The following CSMD1 variants were observed in gnomAD, a reference collection of about 807,000 sequenced individuals.
CSMD1 encodes CUB and sushi domain-containing protein 1.
CSMD1 carries 213 observed loss-of-function variants against 417.5 expected under a neutral mutation model. The ratio of observed to expected loss-of-function variants is 0.51; its 90% CI spans 0.46 to 0.57. CSMD1 has a LOEUF of 0.57. Ranked by LOEUF, CSMD1 falls within the 20% of genes least tolerant of loss-of-function variation. The probability of loss-of-function intolerance (pLI) is 0.00; values close to 1 mark genes in which losing one functional copy is unlikely to be tolerated. For synonymous variants in CSMD1, 2,862 were observed against 1,736.8 expected (o/e 1.65, Z -16.11); for missense variants, 6,923 against 4,529.7 (o/e 1.53, Z -15.17).
At chr8:4,759,233 A>T (rs1423116611) in intron 1 of CSMD1, among the ~76,000 whole-genome samples, 3 of 152,144 alleles carry the variant, frequency 2.0e-5, no homozygotes, top group Admixed American at 6.5e-5. Flanking sequence ...TAACCTCACC[A>T]TCAGTGTCGT....
intron 4 of CSMD1, among the ~76,000 whole-genome samples, chr8:4,022,914 G>T (rs765583703): frequency 6.6e-6 from 1 of 152,228 alleles, no homozygotes; most frequent in Non-Finnish European, 1.5e-5. Flanking sequence ...ATGAAAGCAA[G>T]TGTGCAACTA....
At chr8:3,967,800 T>A (rs1311638113) in intron 5 of CSMD1, among the ~76,000 whole-genome samples, 1 of 151,920 alleles carries the variant, frequency 6.6e-6, no homozygotes, top group Non-Finnish European at 1.5e-5. Context: ...ACATATCCAA[T>A]TTGCTTGAGA....
intron 1 of CSMD1, among the ~76,000 whole-genome samples, chr8:4,785,955 C>T (rs1249066459): frequency 1.3e-5 from 2 of 152,138 alleles, no homozygotes; most frequent in African/African-American, 4.8e-5. Flanking sequence ...AAGTTTTCAA[C>T]AATTATAGGA....
At chr8:3,888,161 G>A (rs561868412) in intron 5 of CSMD1, among the ~76,000 whole-genome samples, 22 of 152,220 alleles carry the variant, frequency 1.4e-4, no homozygotes, top group South Asian at 6.2e-4. Flanking sequence ...TGCAATGTTC[G>A]TCATCCCATA....
intron 5 of CSMD1, among the ~76,000 whole-genome samples, chr8:3,947,623 G>A (rs1030891856): frequency 1.3e-5 from 2 of 150,708 alleles, no homozygotes; most frequent in African/African-American, 4.8e-5. Flanking sequence ...AATACGAGGA[G>A]CTTTCCCACA....
At position 3,052,443 on chromosome 8, in the gene CSMD1, G is replaced by A; in HGVS notation, c.7660+19C>T. 1 of 1,549,360 alleles carries A rather than the reference G, an allele frequency of 6.5e-7. No homozygotes were observed. Among genetic ancestry groups the A allele is most frequent in the Non-Finnish European group, 8.7e-7 (1 of 1,145,582 alleles). ...CCACCTAAACCCACAAAGATGGGCA[G>A]ATGCCCCTGAACACTTACGCTTACA... On this transcript the variant is annotated intron_variant, in intron 50 of 69. Transcript: ENST00000635120.
At chr8:4,369,676 C>G (rs1294585512) in intron 3 of CSMD1, among the ~76,000 whole-genome samples, 1 of 152,028 alleles carries the variant, frequency 6.6e-6, no homozygotes, top group Non-Finnish European at 1.5e-5. Flanking sequence ...TGAGTTGAGC[C>G]CTTTATCATT....
At chr8:4,398,750 G>C (rs1215552809) in intron 3 of CSMD1, among the ~76,000 whole-genome samples, 5 of 152,102 alleles carry the variant, frequency 3.3e-5, no homozygotes, top group South Asian at 2.1e-4. Flanking sequence ...TTATCAATTA[G>C]TTTCTCATTT....
intron 1 of CSMD1, among the ~76,000 whole-genome samples, chr8:4,881,961 G>C (rs1052297576): frequency 6.6e-6 from 1 of 151,946 alleles, no homozygotes; most frequent in Admixed American, 6.6e-5. Context: ...GCAATGAAAA[G>C]GATATGACAT....
At chr8:4,363,759 A>T (rs74419508) in intron 3 of CSMD1, among the ~76,000 whole-genome samples, 3 of 152,158 alleles carry the variant, frequency 2.0e-5, no homozygotes, top group African/African-American at 7.2e-5. Flanking sequence ...CTCATTTTTC[A>T]TGGCTGAATA....
intron 3 of CSMD1, among the ~76,000 whole-genome samples, chr8:4,314,425 G>A (rs573903941): frequency 9.2e-5 from 14 of 152,306 alleles, no homozygotes; most frequent in Admixed American, 8.5e-4. Flanking sequence ...TTCTATTTCA[G>A]GAAGCAGTAT....
At chr8:3,549,120 G>C (rs183559377) in intron 10 of CSMD1, among the ~76,000 whole-genome samples, 2 of 152,110 alleles carry the variant, frequency 1.3e-5, no homozygotes, top group Non-Finnish European at 2.9e-5. Context: ...GCAGATGCCC[G>C]CTTCCATGTT....
chr8:3,521,117 C>T (rs1032647641), intron 10 of CSMD1, among the ~76,000 whole-genome samples: 6 of 152,168 alleles, frequency 3.9e-5, no homozygotes, highest in Non-Finnish European at 7.4e-5. Flanking sequence ...CACTTTCTAC[C>T]AGTCACCATT....
At chr8:3,188,064 GTA>G (rs970450736) in intron 35 of CSMD1, 99 bp from the exon 36 acceptor site, 125 of 511,550 alleles carry the variant, frequency 2.4e-4, no homozygotes, top group Middle Eastern at 5.2e-4. Context: ...AGGTGTATAT[GTA>G]TATATATATA....
At chr8:3,338,505 A>C (rs779522348) in intron 23 of CSMD1, among the ~76,000 whole-genome samples, 16 of 152,232 alleles carry the variant, frequency 1.1e-4, no homozygotes, top group Non-Finnish European at 2.1e-4. Flanking sequence ...AGCAGGGATG[A>C]GAAATCTGGT....
rs148829565 is a variant in CSMD1 at position 4,044,664 on chromosome 8, G to A, written c.416-12565C>T. Among the ~76,000 whole-genome samples the A allele has an allele frequency of 2.2e-3, 333 of 151,858 alleles. 2 individuals are homozygous for A. Among genetic ancestry groups the A allele is most frequent in the African/African-American group, 7.5e-3 (311 of 41,424 alleles). On this transcript the variant is annotated intron_variant, in intron 3 of 69. Transcript: ENST00000635120. ...ACCCTGTACGTGTACCACCCTGGGC[G>A]TGTACCACCCTGGCCACCTACAATC...
chr8:4,192,513 A>G (rs1257244017), intron 3 of CSMD1, among the ~76,000 whole-genome samples: 1 of 151,362 alleles, frequency 6.6e-6, no homozygotes, highest in Non-Finnish European at 1.5e-5. Context: ...GTTTAAGACA[A>G]TACCCCCTGA....
rs376097661 is a variant in CSMD1, at chr8:4,300,768, G to T, written c.415+119185C>A. On this transcript the variant is annotated intron_variant, in intron 3 of 69. Transcript: ENST00000635120. ...TCTGGTTGTTCAATTCCTCCCTATG[G>T]GTGAGAACATGCAGTGTTTGGTTTT... Among the ~76,000 whole-genome samples, 26 of 152,088 alleles carry T rather than the reference G, an allele frequency of 1.7e-4. 1 individual carries two copies. The highest frequency in any genetic ancestry group is 1.2e-3 in the East Asian group (6 of 5,168).
At position 4,624,395 on chromosome 8, in the gene CSMD1, T is replaced by A. The variant is rs150503410; in HGVS notation, c.302+12947A>T. Among the ~76,000 whole-genome samples, 86 of 152,232 alleles carry A rather than the reference T, an allele frequency of 5.6e-4. 1 individual carries two copies. In the East Asian group the frequency reaches 0.015, roughly 26 times the overall value. ...TAGAAAGACTCAACCAGTTTTGGGG[T>A]CAACTTCTTTGGATGCCTTTCCCAA... On this transcript the variant is annotated intron_variant, in intron 2 of 69. Coordinates refer to ENST00000635120, the MANE Select transcript of CSMD1 (RefSeq NM_033225.6).
Sources: allele counts gnomAD v4.1 joint callset (sites outside exome capture counted in the v4.1 genomes callset), GRCh38; gene constraint gnomAD v4.1.1; transcripts MANE v1.5; gene names NCBI Gene and HGNC (gene_info 2026-07-23, HGNC 2026-07-21).